Variants in IKZF1 observed in about 807,000 individuals in gnomAD.
The protein encoded by IKZF1 is IKAROS family zinc finger 1, also known as DNA-binding protein Ikaros.
In IKZF1, 10 loss-of-function variants were observed where a neutral mutation model predicts 51.7. That is an observed-to-expected ratio of 0.19 (90% CI 0.12 to 0.33). IKZF1 has a LOEUF of 0.33. Ranked by LOEUF, IKZF1 falls within the 10% of genes least tolerant of loss-of-function variation. The pLI is 1.00. For missense variants in IKZF1, 484 were observed against 707.5 expected (o/e 0.68, Z 3.58); for synonymous variants, 280 against 282.3 (o/e 0.99, Z 0.08).
chr7:50,343,169 CCCCA>C (rs1799491888), intron 3 of IKZF1, among the ~76,000 whole-genome samples: 2 of 91,250 alleles, frequency 2.2e-5, no homozygotes, highest in African/African-American at 8.5e-5. Flanking sequence ...CTCCTTCCCT[CCCCA>C]CCCTCCCTCC....
chr7:50,389,409 C>A (rs1003546081), intron 6 of IKZF1, among the ~76,000 whole-genome samples: 17 of 152,158 alleles, frequency 1.1e-4, no homozygotes, highest in African/African-American at 3.9e-4. Context: ...TGGTGAGTAT[C>A]AATTTCACCC....
In IKZF1 at chr7:50,327,536, A is replaced by G. The variant is rs1444181633; in HGVS notation, c.41-102A>G. 1.6e-5 allele frequency: 23 copies of G among 1,395,646 alleles called. No homozygotes were observed. In the Admixed American group the frequency reaches 6.2e-4, roughly 37 times the overall value. The allele number at this position is 1,395,646 out of a possible 1,614,324, so 86.5% of individuals were successfully genotyped here. On this transcript the variant is annotated intron_variant, in intron 2 of 7. Transcript: ENST00000331340. ...CAGCAGAGAAGCACTGGCTCCACCC[A>G]GTACCTGCCTCCTCATGCCACCCTC...
intron 2 of IKZF1, among the ~76,000 whole-genome samples, chr7:50,323,343 T>A (rs1793939099): frequency 6.6e-6 from 1 of 152,164 alleles, no homozygotes; most frequent in South Asian, 2.1e-4. Flanking sequence ...TTTATAGAGT[T>A]GAGATTCTAT....
Position 50,319,107 on chromosome 7 carries a change from A to T in IKZF1, c.40+6A>T. On this transcript the variant is annotated splice_donor_region_variant and intron_variant, in intron 2 of 7. Transcript: ENST00000331340. Reference sequence around the variant, plus strand: ...AGACATGTCCCAAGTTTCAGGTGAGACCTTATGAGATAGCTGTGTGGGAAG... The same window carrying T: ...AGACATGTCCCAAGTTTCAGGTGAGTCCTTATGAGATAGCTGTGTGGGAAG... 6.2e-7 allele frequency: 1 copy of T among 1,613,214 alleles called. No individual in the cohort carries two copies. The highest frequency in any genetic ancestry group is 8.5e-7 in the Non-Finnish European group (1 of 1,179,264).
At chr7:50,326,467 A>T (rs564439968) in intron 2 of IKZF1, among the ~76,000 whole-genome samples, 6 of 152,272 alleles carry the variant, frequency 3.9e-5, no homozygotes, top group Admixed American at 2.0e-4. Context: ...GTTGTGTCTC[A>T]ACTCAAGTTT....
At chr7:50,322,761 C>T (rs992569820) in intron 2 of IKZF1, among the ~76,000 whole-genome samples, 2 of 152,170 alleles carry the variant, frequency 1.3e-5, no homozygotes, top group Non-Finnish European at 2.9e-5. Flanking sequence ...ACTGAGAGAT[C>T]TGCATCAGCA....
At chr7:50,338,468 C>T (rs1798293391) in intron 3 of IKZF1, among the ~76,000 whole-genome samples, 2 of 152,118 alleles carry the variant, frequency 1.3e-5, no homozygotes, top group South Asian at 2.1e-4. Flanking sequence ...ACTGACATTT[C>T]GTTAACTTTC....
chr7:50,352,012 G>A (rs1801981936), intron 3 of IKZF1, among the ~76,000 whole-genome samples: 1 of 152,216 alleles, frequency 6.6e-6, no homozygotes, highest in Non-Finnish European at 1.5e-5. Flanking sequence ...AACCCCTTAA[G>A]CAGAGAAGAT....
chr7:50,394,732 A>G (rs1816208108), intron 7 of IKZF1, among the ~76,000 whole-genome samples: 1 of 152,218 alleles, frequency 6.6e-6, no homozygotes, highest in Non-Finnish European at 1.5e-5. Context: ...TTATTGTTCT[A>G]TAACCTATGA....
chr7:50,381,021 C>T (rs190574477), intron 4 of IKZF1, among the ~76,000 whole-genome samples: 28 of 152,244 alleles, frequency 1.8e-4, no homozygotes, highest in Non-Finnish European at 2.1e-4. Flanking sequence ...TACCAGATAC[C>T]TCCTGGTTAG....
intron 3 of IKZF1, among the ~76,000 whole-genome samples, chr7:50,345,454 A>G (rs537328313): frequency 1.3e-5 from 2 of 152,090 alleles, no homozygotes; most frequent in East Asian, 3.9e-4. Flanking sequence ...CTTGCACCAC[A>G]CTCTAGGTTT....
At chr7:50,368,313 A>G (rs1243655737) in intron 3 of IKZF1, 1 of 703,386 alleles carries the variant, frequency 1.4e-6, no homozygotes, top group African/African-American at 1.7e-5. Flanking sequence ...TCACAGTAGC[A>G]CTGATGGGAT....
At chr7:50,359,324 A>G (rs1219578355) in intron 3 of IKZF1, among the ~76,000 whole-genome samples, 2 of 152,200 alleles carry the variant, frequency 1.3e-5, no homozygotes, top group African/African-American at 4.8e-5. Flanking sequence ...AGAAATCTCT[A>G]CAGGTGTGCT....
At chr7:50,355,402 G>A (rs968079052) in intron 3 of IKZF1, among the ~76,000 whole-genome samples, 3 of 152,168 alleles carry the variant, frequency 2.0e-5, no homozygotes, top group Non-Finnish European at 4.4e-5. Context: ...TTGGGGTACC[G>A]GCCAACGCCC....
chr7:50,388,200 A>C (rs949759912), intron 6 of IKZF1, among the ~76,000 whole-genome samples: 2 of 152,232 alleles, frequency 1.3e-5, no homozygotes, highest in African/African-American at 4.8e-5. Flanking sequence ...TTAAGAGATA[A>C]GCAATTTATA....
intron 3 of IKZF1, among the ~76,000 whole-genome samples, chr7:50,341,633 G>A (rs1799091354): frequency 6.6e-6 from 1 of 152,014 alleles, no homozygotes; most frequent in Non-Finnish European, 1.5e-5. Context: ...CTGTCCAAGG[G>A]GAACATAATT....
rs574208214 is a variant in IKZF1, at chr7:50,327,954, G to A, written c.160+197G>A. On this transcript the variant is annotated intron_variant, in intron 3 of 7. Coordinates refer to ENST00000331340, the MANE Select transcript of IKZF1 (RefSeq NM_006060.6). ...GGATGGACACTCACAGGCCAGCATGGCCGTGAGAGCCACACACCCCGCAAA... is the reference window on the plus strand; with the variant it reads ...GGATGGACACTCACAGGCCAGCATGACCGTGAGAGCCACACACCCCGCAAA... 3.1e-5 allele frequency: 19 copies of A among 608,448 alleles called. No individual in the cohort carries two copies. The East Asian group carries it at 5.6e-4, about 18-fold the overall frequency. 37.7% of individuals were successfully genotyped at this position (608,448 alleles called of 1,614,324 possible).
intron 3 of IKZF1, chr7:50,369,554 G>C (rs1029815396): frequency 2.5e-6 from 1 of 398,518 alleles, no homozygotes; most frequent in East Asian, 3.6e-5. Context: ...TCACACAAGC[G>C]GCTACTTGGT....
rs145247192 is a variant in IKZF1 at position 50,366,722 on chromosome 7, A to G, written c.161-9811A>G. Reference sequence around the variant, plus strand: ...AAAGGTAATACATACCCTTTAAAACATCTTTGCTTTTTCTCCCATTATCGA... The same window carrying G: ...AAAGGTAATACATACCCTTTAAAACGTCTTTGCTTTTTCTCCCATTATCGA... On this transcript the variant is annotated intron_variant, in intron 3 of 7. Transcript: ENST00000331340. Among the ~76,000 whole-genome samples the G allele has an allele frequency of 1.4e-4, 21 of 152,352 alleles. 1 individual carries two copies. In the East Asian group the frequency reaches 3.1e-3, roughly 22 times the overall value.
Sources: gnomAD v4.1 joint callset for allele counts (sites outside exome capture counted in the v4.1 genomes callset) on GRCh38, gnomAD v4.1.1 for gene constraint, MANE v1.5 for transcripts, NCBI Gene and HGNC (gene_info 2026-07-23, HGNC 2026-07-21) for gene names.